The following RAB44 variants were observed in gnomAD, a reference collection of about 807,000 sequenced individuals.
RAB44 encodes RAB44, member RAS oncogene family.
Under a neutral mutation model 93.3 loss-of-function variants are expected in RAB44, and 67 were observed. The ratio of observed to expected loss-of-function variants is 0.72; its 90% CI spans 0.59 to 0.88. RAB44 has a LOEUF of 0.88. RAB44 is among the 40% of genes least tolerant of loss of function. The probability of loss-of-function intolerance (pLI) is 0.00; values close to 1 mark genes in which losing one functional copy is unlikely to be tolerated. For missense variants in RAB44, 1,064 were observed against 1,261.7 expected (o/e 0.84, Z 2.37); for synonymous variants, 427 against 520.3 (o/e 0.82, Z 2.44).
Position 36,717,947 on chromosome 6 carries a change from C to T in RAB44, c.642-81C>T. 1 of 868,634 alleles carries T rather than the reference C, an allele frequency of 1.2e-6. No homozygotes were observed. Among genetic ancestry groups the T allele is most frequent in the Non-Finnish European group, 1.5e-6 (1 of 656,596 alleles). 53.8% of individuals were successfully genotyped at this position (868,634 alleles called of 1,614,324 possible). A position where few individuals can be genotyped will look rare whatever the true frequency, so the allele number is the denominator to read the frequency against. On this transcript the variant is annotated intron_variant, in intron 5 of 13. Transcript: ENST00000612677. The surrounding 1 kb of genome is among the most constrained non-coding windows in gnomAD (Gnocchi z 4.1). ...GAAAGCAATAGGATGGATTCCAAAC[C>T]CAAGCCCAGACTGCCCCTGCCAGCA...
At position 36,728,709 on chromosome 6, in the gene RAB44, T is replaced by G. The variant is rs1582647310; in HGVS notation, c.2806T>G (p.Ser936Ala). 1 of 1,549,582 alleles carries G rather than the reference T, an allele frequency of 6.5e-7. No individual in the cohort carries two copies. The highest frequency in any genetic ancestry group is 8.7e-7 in the Non-Finnish European group (1 of 1,146,678). The change falls in exon 12 of 14, where the codon TCG becomes GCG. Residue 936 changes from serine (S) to alanine (A), a missense_variant. Coordinates refer to ENST00000612677, the MANE Select transcript of RAB44 (RefSeq NM_001257357.2). ...YWLDCLQDAG[S>A]DGVVILLLGN... ...CATGTTCTGTGTGCAGGATGCAGGG[T>G]CGGATGGGGTGGTCATCCTTCTCCT...
At chr6:36,718,637 A>C in intron 7 of RAB44, 49 bp downstream of exon 7, 1 of 899,200 alleles carries the variant, frequency 1.1e-6, no homozygotes, top group Non-Finnish European at 1.5e-6. Flanking sequence ...GGTCTTTAAT[A>C]TCTATGAACC....
intron 2 of RAB44, among the ~76,000 whole-genome samples, chr6:36,711,934 A>G (rs1235218265): frequency 1.3e-5 from 2 of 151,500 alleles, no homozygotes; most frequent in Non-Finnish European, 2.9e-5. Flanking sequence ...AGGCCTGTCT[A>G]TTACAGACAT....
intron 2 of RAB44, among the ~76,000 whole-genome samples, chr6:36,709,383 AC>A (rs1351462706): frequency 6.6e-6 from 1 of 152,248 alleles, no homozygotes; most frequent in African/African-American, 2.4e-5. Flanking sequence ...TAAACTTTCT[AC>A]GACATTCTAT....
chr6:36,702,282 A>G (rs1380136923), intron 1 of RAB44, among the ~76,000 whole-genome samples: 1 of 147,380 alleles, frequency 6.8e-6, no homozygotes, highest in African/African-American at 2.6e-5. Flanking sequence ...TCTGAAACAG[A>G]CTTCGAAGGG....
At chr6:36,716,444 T>C (rs1939029804) in intron 4 of RAB44, among the ~76,000 whole-genome samples, 1 of 134,262 alleles carries the variant, frequency 7.4e-6, no homozygotes, top group African/African-American at 2.9e-5. Context: ...CACTCCAGCC[T>C]GGGTGACAGA....
At chr6:36,728,252 G>C (rs1763283583) in intron 11 of RAB44, among the ~76,000 whole-genome samples, 1 of 152,184 alleles carries the variant, frequency 6.6e-6, no homozygotes, top group East Asian at 1.9e-4. Context: ...CTTTGGACAA[G>C]TGAATTGAGT....
At chr6:36,718,816 G>T (rs1426886480) in intron 7 of RAB44, among the ~76,000 whole-genome samples, 2 of 152,212 alleles carry the variant, frequency 1.3e-5, no homozygotes, top group South Asian at 4.1e-4. Context: ...TTAGGGTCAG[G>T]TTACTTGCTG....
chr6:36,708,931 A>G (rs994087502), intron 2 of RAB44, among the ~76,000 whole-genome samples: 3 of 151,314 alleles, frequency 2.0e-5, no homozygotes, highest in African/African-American at 4.8e-5. Context: ...ACTTATTTTT[A>G]TTTATTTATT....
At chr6:36,714,028 A>G (rs1377423162) in intron 3 of RAB44, 89 bp downstream of exon 3, 3 of 824,718 alleles carry the variant, frequency 3.6e-6, no homozygotes, top group East Asian at 5.5e-5. Flanking sequence ...TAGAAAGGCA[A>G]CCCTTTTCCC....
intron 9 of RAB44, among the ~76,000 whole-genome samples, chr6:36,724,111 C>G (rs1343432507): frequency 6.6e-6 from 1 of 151,780 alleles, no homozygotes; most frequent in Non-Finnish European, 1.5e-5. Flanking sequence ...AGTGGGGTCA[C>G]AGGTTCTACA....
chr6:36,720,260 C>A, intron 7 of RAB44, 103 bp from the exon 8 acceptor site: 1 of 1,012,574 alleles, frequency 9.9e-7, no homozygotes, highest in Non-Finnish European at 1.3e-6. Flanking sequence ...TCTCCAGGAG[C>A]CTGGACAGGG....
intron 11 of RAB44, among the ~76,000 whole-genome samples, chr6:36,728,339 C>T (rs987930040): frequency 1.9e-4 from 29 of 152,328 alleles, no homozygotes; most frequent in African/African-American, 6.5e-4. Context: ...TTCAGCACAG[C>T]ACCTGGTGTA....
chr6:36,720,018 C>T (rs1238173138), intron 7 of RAB44, among the ~76,000 whole-genome samples: 1 of 152,198 alleles, frequency 6.6e-6, no homozygotes, highest in Admixed American at 6.5e-5. Context: ...TCAGGAGCCC[C>T]CTGTAGACCA....
intron 9 of RAB44, among the ~76,000 whole-genome samples, chr6:36,723,107 G>A (rs1208962218): frequency 6.6e-6 from 1 of 152,238 alleles, no homozygotes; most frequent in African/African-American, 2.4e-5. Flanking sequence ...TCCAGGCTGG[G>A]CAGCCATGGT....
chr6:36,708,557 TA>T (rs1329929770), intron 2 of RAB44, among the ~76,000 whole-genome samples: 1 of 152,214 alleles, frequency 6.6e-6, no homozygotes, highest in Non-Finnish European at 1.5e-5. Flanking sequence ...CAAGAAATAT[TA>T]CTTTGTTATC....
chr6:36,714,551 G>T (rs190366622), intron 3 of RAB44, among the ~76,000 whole-genome samples: 2 of 152,346 alleles, frequency 1.3e-5, no homozygotes, highest in Admixed American at 1.3e-4. Flanking sequence ...CTGGAGACCA[G>T]CAGAGAAGGG....
intron 2 of RAB44, among the ~76,000 whole-genome samples, chr6:36,711,926 G>C (rs1257907514): frequency 6.6e-6 from 1 of 151,298 alleles, no homozygotes; most frequent in African/African-American, 2.4e-5. Flanking sequence ...AGAGTTAAAG[G>C]CCTGTCTATT....
Position 36,704,343 on chromosome 6 carries a change from G to T in RAB44, c.108G>T (p.Glu36Asp). ...GTGAAGGCGCTGCAGTGGCCCCAGA[G>T]CCAGAGTCTTGGTCCTCTCAGGCAG... ...ADGEGAAVAP[E>D]PESWSSQAAA... The change falls in exon 2 of 14, where the codon GAG (glutamate) becomes GAT (aspartate). Residue 36 changes from glutamate (E) to aspartate (D), a missense_variant. Glu to Asp is a conservative substitution (Grantham distance 45, BLOSUM62 2). Coordinates refer to ENST00000612677, the MANE Select transcript of RAB44 (RefSeq NM_001257357.2). The T allele has an allele frequency of 6.5e-7, 1 of 1,536,146 alleles. No homozygotes were observed.
Sources: gnomAD v4.1 joint callset for allele counts (sites outside exome capture counted in the v4.1 genomes callset) on GRCh38, gnomAD v4.1.1 for gene constraint, Gnocchi (gnomAD v3.1) non-coding constraint, MANE v1.5 for transcripts, NCBI Gene and HGNC (gene_info 2026-07-23, HGNC 2026-07-21) for gene names.